The following KAT6B variants were observed in gnomAD, a reference collection of about 807,000 sequenced individuals.
KAT6B encodes lysine acetyltransferase 6B.
In KAT6B, 10 loss-of-function variants were observed where a neutral mutation model predicts 187.5. The observed-to-expected ratio is 0.05, with a 90% CI of 0.03 to 0.09. The LOEUF (loss-of-function observed/expected upper bound fraction) is 0.09. Ranked by LOEUF, KAT6B falls within the 10% of genes least tolerant of loss-of-function variation. KAT6B has a pLI of 1.00. For missense variants in KAT6B, 1,952 were observed against 2,558.9 expected (o/e 0.76, Z 5.12); for synonymous variants, 861 against 926.8 (o/e 0.93, Z 1.29).
chr10:75,019,754 G>C lies in KAT6B; in HGVS notation c.2630-828G>C, dbSNP rs529003189. 9.2e-5 allele frequency among the ~76,000 whole-genome samples: 14 copies of C among 151,486 alleles called. No homozygotes were observed. In the South Asian group the frequency reaches 2.1e-3, roughly 23 times the overall value. ...TTCATTACCTTCAAGTGGATTTAAA[G>C]GGCTGGTTTCTTTTTTTTTTTTTTT... On this transcript the variant is annotated intron_variant, in intron 13 of 17. Coordinates refer to ENST00000287239, the MANE Select transcript of KAT6B (RefSeq NM_012330.4).
intron 3 of KAT6B, among the ~76,000 whole-genome samples, chr10:74,923,589 G>C (rs1412374213): frequency 6.6e-6 from 1 of 152,184 alleles, no homozygotes; most frequent in Non-Finnish European, 1.5e-5. Flanking sequence ...AAGTGAGGGA[G>C]CATTCCAGGC....
Position 75,022,336 on chromosome 10 carries a change from C to T in KAT6B, c.3372+105C>T, listed in dbSNP as rs532868871. On this transcript the variant is annotated intron_variant, in intron 16 of 17. Coordinates refer to ENST00000287239, the MANE Select transcript of KAT6B (RefSeq NM_012330.4). Reference sequence around the variant, plus strand: ...TTTGTTTCACTCTCTGTTCTTTAGTCGTAGTTTATGTGTACCCAGTCCCGC... The same window carrying T: ...TTTGTTTCACTCTCTGTTCTTTAGTTGTAGTTTATGTGTACCCAGTCCCGC... The T allele has an allele frequency of 1.1e-3, 1,446 of 1,273,642 alleles. 1 individual carries two copies. Among genetic ancestry groups the T allele is most frequent in the Non-Finnish European group, 1.5e-3 (1,298 of 871,728 alleles). 78.9% of individuals were successfully genotyped at this position (1,273,642 alleles called of 1,614,324 possible).
intron 6 of KAT6B, among the ~76,000 whole-genome samples, chr10:74,971,103 C>T (rs1841823039): frequency 6.6e-6 from 1 of 152,162 alleles, no homozygotes; most frequent in Non-Finnish European, 1.5e-5. Flanking sequence ...TTGCTTCAGT[C>T]ACATACATTA....
At chr10:74,978,383 T>C (rs1337878878) in intron 9 of KAT6B, among the ~76,000 whole-genome samples, 1 of 152,194 alleles carries the variant, frequency 6.6e-6, no homozygotes, top group Non-Finnish European at 1.5e-5. Flanking sequence ...TGATCAGTAG[T>C]GGGATTGTGC....
At chr10:74,854,378 A>G (rs1842682924) in intron 3 of KAT6B, among the ~76,000 whole-genome samples, 1 of 152,168 alleles carries the variant, frequency 6.6e-6, no homozygotes, top group Non-Finnish European at 1.5e-5. Context: ...TTTACCAGAG[A>G]AGTCTCCAAC....
chr10:74,933,912 G>A (rs1849049511), intron 3 of KAT6B, among the ~76,000 whole-genome samples: 4 of 152,238 alleles, frequency 2.6e-5, no homozygotes, highest in Admixed American at 2.0e-4. Context: ...TTGGCCGGGT[G>A]CGGTGGCTTA....
chr10:75,025,690 T>C (rs4589232), intron 17 of KAT6B: 24,496 of 221,046 alleles, frequency 0.11, 3,123 homozygotes, highest in African/African-American at 0.36. Flanking sequence ...AATAGTACAT[T>C]TTATAATCAG....
At position 74,890,735 on chromosome 10, in the gene KAT6B, T is replaced by A. The variant is rs151336086; in HGVS notation, c.621+47257T>A. The stretch of plus-strand genomic sequence containing the variant: ...TGACCTTGAGTCAGTGAACTCATGT[T>A]TTACATTTAATCTTTTGGTTACCAA... On this transcript the variant is annotated intron_variant, in intron 3 of 17. Transcript: ENST00000287239. Among the ~76,000 whole-genome samples the A allele has an allele frequency of 8.1e-3, 1,232 of 152,360 alleles. 11 individuals are homozygous for A. Among genetic ancestry groups the A allele is most frequent in the Non-Finnish European group, 0.015 (1,026 of 68,040 alleles).
rs116820983 is a variant in KAT6B, at chr10:74,838,224, A to G, written c.-328-459A>G. Among the ~76,000 whole-genome samples the G allele has an allele frequency of 5.4e-3, 816 of 152,340 alleles. 1 individual carries two copies. Among genetic ancestry groups the G allele is most frequent in the African/African-American group, 0.018 (761 of 41,576 alleles). The stretch of plus-strand genomic sequence containing the variant: ...TATCTGGGTAGTCCATTCAGTACCT[A>G]GGTGCCTGGTGGCCTTTGGGACAAA... On this transcript the variant is annotated intron_variant, in intron 1 of 17. Transcript: ENST00000287239.
Position 75,020,606 on chromosome 10 carries a change from G to T in KAT6B, c.2654G>T (p.Gly885Val). 6.2e-7 allele frequency: 1 copy of T among 1,614,158 alleles called. No individual in the cohort carries two copies. The highest frequency in any genetic ancestry group is 8.5e-7 in the Non-Finnish European group (1 of 1,180,004). ...GGCTATTTGCTTTCTAGAAGAGAAG[G>T]CCAAGCAGGGTCTCCTGAAAAGCCT... ...DFSYLLSRREGQAGSPEKPLS... is the reference protein window; with the variant it reads ...DFSYLLSRREVQAGSPEKPLS... Residue 885 changes from glycine to valine, a missense_variant, in exon 14 of 18, where the codon GGC becomes GTC. Physicochemically the swap from Gly to Val is moderately radical, Grantham distance 109. Coordinates refer to ENST00000287239, the MANE Select transcript of KAT6B (RefSeq NM_012330.4).
intron 3 of KAT6B, among the ~76,000 whole-genome samples, chr10:74,918,173 A>C (rs1847843590): frequency 6.6e-6 from 1 of 152,240 alleles, no homozygotes; most frequent in Admixed American, 6.5e-5. Flanking sequence ...ATAGCATTTA[A>C]ATTCTGTTAA....
At chr10:74,844,120 C>T (rs531576621) in intron 3 of KAT6B, among the ~76,000 whole-genome samples, 21 of 152,292 alleles carry the variant, frequency 1.4e-4, no homozygotes, top group Admixed American at 3.3e-4. Flanking sequence ...GTGATGCGCC[C>T]GCCTCGGCCT....
intron 13 of KAT6B, among the ~76,000 whole-genome samples, chr10:75,020,142 AG>A (rs1394447676): frequency 2.0e-5 from 3 of 152,216 alleles, no homozygotes; most frequent in Admixed American, 6.5e-5. Flanking sequence ...CAGCTGTCAA[AG>A]GGTCATTAGG....
intron 13 of KAT6B, among the ~76,000 whole-genome samples, chr10:75,007,176 T>C (rs1158935420): frequency 1.3e-5 from 2 of 151,948 alleles, no homozygotes; most frequent in African/African-American, 4.8e-5. Context: ...ACATCAACAG[T>C]TGCAAAAAGG....
Position 74,997,641 on chromosome 10 carries a change from A to G in KAT6B, c.2629+8529A>G, listed in dbSNP as rs191661667. Among the ~76,000 whole-genome samples, 72 of 152,324 alleles carry G rather than the reference A, an allele frequency of 4.7e-4. 2 individuals are homozygous for G. Among genetic ancestry groups the G allele is most frequent in the African/African-American group, 1.6e-3 (67 of 41,592 alleles). Reference sequence around the variant, plus strand: ...CAAATTTAGTAACTGCAAGATTACAATTTTTTGCCTACCACACTAACAAAG... The same window carrying G: ...CAAATTTAGTAACTGCAAGATTACAGTTTTTTGCCTACCACACTAACAAAG... On this transcript the variant is annotated intron_variant, in intron 13 of 17. Transcript: ENST00000287239.
chr10:74,943,294 G>C (rs7072392), intron 3 of KAT6B, among the ~76,000 whole-genome samples: 2 of 151,992 alleles, frequency 1.3e-5, no homozygotes, highest in Non-Finnish European at 2.9e-5. Context: ...CCCAAAAACT[G>C]TAAAGCATTA....
intron 3 of KAT6B, among the ~76,000 whole-genome samples, chr10:74,876,558 G>A (rs1844426635): frequency 6.6e-6 from 1 of 152,112 alleles, no homozygotes; most frequent in African/African-American, 2.4e-5. Flanking sequence ...AAGGTTTCTG[G>A]GAGAAAAATA....
chr10:74,832,196 T>C (rs1196412760), intron 1 of KAT6B, among the ~76,000 whole-genome samples: 6 of 152,222 alleles, frequency 3.9e-5, no homozygotes, highest in African/African-American at 1.4e-4. Flanking sequence ...AGCTATAATA[T>C]TTATGAAACT....
rs1034752656 is a variant in KAT6B at position 75,031,059 on chromosome 10, G to T, written c.*13G>T. On this transcript the variant is annotated 3_prime_UTR_variant, in exon 18 of 18. Coordinates refer to ENST00000287239, the MANE Select transcript of KAT6B (RefSeq NM_012330.4). ...CATGAGAAGGTAGACAACGTGGGCAGTCCACAAAACCTACGGGGCATCACT... is the reference window on the plus strand; with the variant it reads ...CATGAGAAGGTAGACAACGTGGGCATTCCACAAAACCTACGGGGCATCACT... The T allele has an allele frequency of 6.2e-7, 1 of 1,613,812 alleles. No homozygotes were observed. The highest frequency in any genetic ancestry group is 1.3e-5 in the African/African-American group (1 of 74,976).
Sources: gnomAD v4.1 joint callset for allele counts (sites outside exome capture counted in the v4.1 genomes callset) on GRCh38, gnomAD v4.1.1 for gene constraint, MANE v1.5 for transcripts, NCBI Gene and HGNC (gene_info 2026-07-23, HGNC 2026-07-21) for gene names.